Variants in SLCO1A2 observed in about 807,000 individuals in gnomAD.
SLCO1A2 encodes the protein solute carrier organic anion transporter family member 1A2.
SLCO1A2 carries 67 observed loss-of-function variants against 69.0 expected under a neutral mutation model. The ratio of observed to expected loss-of-function variants is 0.97; its 90% CI spans 0.80 to 1.19. The LOEUF (loss-of-function observed/expected upper bound fraction) is 1.19. Ranked by LOEUF, SLCO1A2 falls within the 50% of genes most tolerant of loss-of-function variation. The pLI, the probability that SLCO1A2 is intolerant of heterozygous loss-of-function variation, is 0.00. For synonymous variants in SLCO1A2, 260 were observed against 265.9 expected (o/e 0.98, Z 0.22); for missense variants, 787 against 793.7 (o/e 0.99, Z 0.10).
chr12:21,400,967 T>C (rs1316334494), intron 1 of SLCO1A2, among the ~76,000 whole-genome samples: 1 of 150,698 alleles, frequency 6.6e-6, no homozygotes, highest in East Asian at 2.0e-4. Context: ...GCATGGCACA[T>C]GTATACATAT....
chr12:21,378,740 A>G (rs1299363386), intron 1 of SLCO1A2: 2 of 258,716 alleles, frequency 7.7e-6, no homozygotes, highest in African/African-American at 4.4e-5. Flanking sequence ...GAACCTTGGT[A>G]AATTGTAAAC....
chr12:21,343,687 G>A (rs1475264264), intron 2 of SLCO1A2, among the ~76,000 whole-genome samples: 1 of 151,896 alleles, frequency 6.6e-6, no homozygotes, highest in Non-Finnish European at 1.5e-5. Context: ...GCTAACCAAA[G>A]AACATTCTGA....
chr12:21,386,616 C>T (rs1053648530), intron 1 of SLCO1A2, among the ~76,000 whole-genome samples: 1 of 151,962 alleles, frequency 6.6e-6, no homozygotes, highest in African/African-American at 2.4e-5. Context: ...ATTGTGTGGC[C>T]CCCCCAGCCA....
intron 2 of SLCO1A2, among the ~76,000 whole-genome samples, chr12:21,361,618 C>G (rs893852792): frequency 2.0e-5 from 3 of 152,048 alleles, no homozygotes; most frequent in Non-Finnish European, 4.4e-5. Flanking sequence ...ATGTTTGAAC[C>G]TATCACAAAG....
At chr12:21,307,082 C>T (rs2136542927) in intron 4 of SLCO1A2, 94 bp from the exon 5 acceptor site, 1 of 764,304 alleles carries the variant, frequency 1.3e-6, no homozygotes. Flanking sequence ...TCCCATACAA[C>T]ACAATATCCA....
At chr12:21,348,177 C>G (rs1937651477) in intron 2 of SLCO1A2, among the ~76,000 whole-genome samples, 1 of 152,078 alleles carries the variant, frequency 6.6e-6, no homozygotes, top group African/African-American at 2.4e-5. Flanking sequence ...GGCATGTAAC[C>G]TAAAATAAGC....
At chr12:21,313,745 C>T (rs993316865) in intron 4 of SLCO1A2, among the ~76,000 whole-genome samples, 2 of 151,320 alleles carry the variant, frequency 1.3e-5, no homozygotes, top group East Asian at 2.0e-4. Flanking sequence ...CCGAGGCGGG[C>T]GGGTCACGAG....
Position 21,334,845 on chromosome 12 carries a change from G to T in SLCO1A2, c.-81C>A. On this transcript the variant is annotated 5_prime_UTR_variant, in exon 1 of 15. It adds an upstream start codon to the 5' untranslated region. Transcript: ENST00000683939. Reference sequence around the variant, plus strand: ...AAAATACCTGGAACGCTTTAATACAGATTAGAAAATCATGGTGTTAGAGAA... The same window carrying T: ...AAAATACCTGGAACGCTTTAATACATATTAGAAAATCATGGTGTTAGAGAA... The T allele has an allele frequency of 2.2e-6, 1 of 463,354 alleles. No individual in the cohort carries two copies. The highest frequency in any genetic ancestry group is 4.1e-5 in the South Asian group (1 of 24,690). 28.7% of individuals were successfully genotyped at this position (463,354 alleles called of 1,614,324 possible).
chr12:21,326,056 G>A (rs1341950467), intron 2 of SLCO1A2, among the ~76,000 whole-genome samples: 2 of 152,142 alleles, frequency 1.3e-5, no homozygotes, highest in Non-Finnish European at 2.9e-5. Flanking sequence ...TTGGATCATA[G>A]GGGTGGGTTT....
chr12:21,318,981 G>A lies in SLCO1A2; in HGVS notation c.61-58C>T, dbSNP rs149960457. Reference sequence around the variant, plus strand: ...ATTATTTTTAAATTGTATACTTGCCGTCTGTTGACAAAATGCCTTCCACCA... The same window carrying A: ...ATTATTTTTAAATTGTATACTTGCCATCTGTTGACAAAATGCCTTCCACCA... On this transcript the variant is annotated intron_variant, in intron 2 of 14. Transcript: ENST00000683939. 6.2e-5 allele frequency: 83 copies of A among 1,333,556 alleles called. No homozygotes were observed. The Middle Eastern group carries it at 1.3e-3, about 21-fold the overall frequency. 82.6% of individuals were successfully genotyped at this position (1,333,556 alleles called of 1,614,324 possible). A position where few individuals can be genotyped will look rare whatever the true frequency, so the allele number is the denominator to read the frequency against.
intron 1 of SLCO1A2, among the ~76,000 whole-genome samples, chr12:21,384,609 A>C (rs895995853): frequency 2.3e-4 from 35 of 152,190 alleles, no homozygotes; most frequent in African/African-American, 7.5e-4. Flanking sequence ...GCAGGAAGAA[A>C]ATCTAAAATA....
At chr12:21,353,674 T>A (rs1938139587) in intron 2 of SLCO1A2, among the ~76,000 whole-genome samples, 1 of 152,142 alleles carries the variant, frequency 6.6e-6, no homozygotes, top group Non-Finnish European at 1.5e-5. Flanking sequence ...TCCAATGCTG[T>A]CAGCATGAAA....
intron 1 of SLCO1A2, among the ~76,000 whole-genome samples, chr12:21,385,591 C>G (rs1293787912): frequency 2.6e-5 from 4 of 152,146 alleles, no homozygotes; most frequent in African/African-American, 9.7e-5. Context: ...GGAAAAAGAG[C>G]AAAAGAGAAG....
At chr12:21,293,900 G>A (rs1947303647) in intron 11 of SLCO1A2, 45 bp downstream of exon 11, 1 of 1,525,252 alleles carries the variant, frequency 6.6e-7, no homozygotes, top group Non-Finnish European at 8.9e-7. Flanking sequence ...TAGTTGGGAA[G>A]TACCAATGCA....
intron 12 of SLCO1A2, 130 bp from the exon 13 acceptor site, chr12:21,275,554 T>G (rs1240780209): frequency 1.0e-6 from 1 of 971,870 alleles, no homozygotes; most frequent in African/African-American, 1.7e-5. Context: ...TGCTCACTTA[T>G]TGGTTATTCA....
At chr12:21,363,912 A>G (rs1939151524) in intron 2 of SLCO1A2, among the ~76,000 whole-genome samples, 2 of 152,164 alleles carry the variant, frequency 1.3e-5, no homozygotes, top group African/African-American at 4.8e-5. Context: ...TTAATAGCCT[A>G]CCAACCAAAA....
intron 1 of SLCO1A2, among the ~76,000 whole-genome samples, chr12:21,392,883 T>A (rs963289130): frequency 6.6e-6 from 1 of 152,182 alleles, no homozygotes; most frequent in Non-Finnish European, 1.5e-5. Flanking sequence ...TCTCTGAAAA[T>A]GTATCTTAAG....
At chr12:21,335,476 CAAAT>C (rs953800216), upstream of SLCO1A2, among the ~76,000 whole-genome samples, 5 of 151,782 alleles carry the variant, frequency 3.3e-5, no homozygotes, top group African/African-American at 7.3e-5. Context: ...GAATTAAACT[CAAAT>C]AAATTCTACT....
chr12:21,279,680 T>C (rs1385575592), intron 12 of SLCO1A2, among the ~76,000 whole-genome samples: 2 of 152,154 alleles, frequency 1.3e-5, no homozygotes, highest in South Asian at 2.1e-4. Context: ...TACCAGCCCA[T>C]GCTATAAGAA....
Sources: gnomAD v4.1 joint callset for allele counts (sites outside exome capture counted in the v4.1 genomes callset) on GRCh38, gnomAD v4.1.1 for gene constraint, MANE v1.5 for transcripts, NCBI Gene and HGNC (gene_info 2026-07-23, HGNC 2026-07-21) for gene names.